COL11A1: variants seen among roughly 807,000 people sequenced by gnomAD.
The protein encoded by COL11A1 is collagen alpha-1(XI) chain.
Under a neutral mutation model 265.2 loss-of-function variants are expected in COL11A1, and 74 were observed. The observed-to-expected ratio is 0.28, with a 90% CI of 0.23 to 0.34. The LOEUF is 0.34. Ranked by LOEUF, COL11A1 falls within the 10% of genes least tolerant of loss-of-function variation. The pLI is 1.00. For missense variants in COL11A1, 2,165 were observed against 2,263.6 expected (o/e 0.96, Z 0.88); for synonymous variants, 816 against 727.6 (o/e 1.12, Z -1.96).
chr1:102,916,833 AT>A (rs67248624), intron 49 of COL11A1, among the ~76,000 whole-genome samples: 13,885 of 151,838 alleles, frequency 0.091, 726 homozygotes, highest in Middle Eastern at 0.12. Context: ...ACAAAAAAAA[AT>A]TGCATTTATA....
chr1:103,103,835 C>G (rs1439051486), intron 1 of COL11A1, among the ~76,000 whole-genome samples: 3 of 151,990 alleles, frequency 2.0e-5, no homozygotes, highest in African/African-American at 7.2e-5. Context: ...AAGGTACTTA[C>G]ATTAGTTTCA....
At chr1:103,082,311 G>A (rs545471767) in intron 2 of COL11A1, among the ~76,000 whole-genome samples, 1 of 151,996 alleles carries the variant, frequency 6.6e-6, no homozygotes, top group African/African-American at 2.4e-5. Context: ...CAAAGAAAAA[G>A]TATCTCTTTC....
At chr1:103,090,435 C>T (rs1673229305) in intron 1 of COL11A1, among the ~76,000 whole-genome samples, 1 of 152,118 alleles carries the variant, frequency 6.6e-6, no homozygotes, top group Non-Finnish European at 1.5e-5. Context: ...AATTTTCCTA[C>T]TACTAATATT....
chr1:102,879,594 C>A, intron 66 of COL11A1, 89 bp downstream of exon 66: 1 of 1,137,754 alleles, frequency 8.8e-7, no homozygotes. Context: ...ACGTCCATTT[C>A]ATGAGAAAAA....
At chr1:103,021,848 TTC>T in intron 8 of COL11A1, 79 bp from the exon 9 acceptor site, 3 of 1,107,882 alleles carry the variant, frequency 2.7e-6, no homozygotes, top group South Asian at 1.3e-5. Flanking sequence ...CTTTTTTTTT[TTC>T]TTTCTTTCTT....
Position 102,962,767 on chromosome 1 carries a change from T to A in COL11A1, c.2917-7A>T. 6.2e-7 allele frequency: 1 copy of A among 1,613,226 alleles called. No individual in the cohort carries two copies. The highest frequency in any genetic ancestry group is 8.5e-7 in the Non-Finnish European group (1 of 1,179,266). The stretch of plus-strand genomic sequence containing the variant: ...CAGTCTCACCGGTTGGTCCCTAAAT[T>A]AGATAAGCAAAATCACTTTAGATTG... On this transcript the variant is annotated splice_region_variant and splice_polypyrimidine_tract_variant and intron_variant, in intron 38 of 66. Coordinates refer to ENST00000370096, the MANE Select transcript of COL11A1 (RefSeq NM_001854.4).
chr1:103,075,526 A>T (rs999759696), intron 3 of COL11A1, among the ~76,000 whole-genome samples: 4 of 152,128 alleles, frequency 2.6e-5, no homozygotes, highest in Admixed American at 2.6e-4. Context: ...AATTTAGAGC[A>T]GTGATGACAG....
chr1:103,047,081 T>C (rs924026496), intron 4 of COL11A1, among the ~76,000 whole-genome samples: 22 of 152,130 alleles, frequency 1.4e-4, no homozygotes, highest in African/African-American at 5.1e-4. Flanking sequence ...ATTGACTTGG[T>C]GATGCGGGCT....
intron 46 of COL11A1, among the ~76,000 whole-genome samples, chr1:102,923,848 C>A (rs928820468): frequency 6.6e-6 from 1 of 151,992 alleles, no homozygotes; most frequent in Admixed American, 6.6e-5. Flanking sequence ...GAATTTTTGA[C>A]CTGTTAATTC....
intron 1 of COL11A1, among the ~76,000 whole-genome samples, chr1:103,106,800 C>T (rs1674726531): frequency 6.6e-6 from 1 of 152,124 alleles, no homozygotes; most frequent in African/African-American, 2.4e-5. Context: ...GAAGGAATAA[C>T]CTGGTCTCAG....
At chr1:103,106,731 C>T (rs1362585241) in intron 1 of COL11A1, among the ~76,000 whole-genome samples, 6 of 151,924 alleles carry the variant, frequency 3.9e-5, no homozygotes, top group Admixed American at 3.3e-4. Context: ...GAAAAGTCAC[C>T]CAAGGGAATA....
chr1:103,004,676 C>A lies in COL11A1; in HGVS notation c.1846-15G>T, dbSNP rs2101844092. On this transcript the variant is annotated splice_polypyrimidine_tract_variant and intron_variant, in intron 18 of 66. Transcript: ENST00000370096. ...CCTCGTTCACCCTGTTAAATCAATA[C>A]AAATAAGATTAGCATATGGAAAGAA... is the stretch of plus-strand genomic sequence containing the variant. The A allele has an allele frequency of 1.2e-6, 2 of 1,603,352 alleles. No homozygotes were observed. The highest frequency in any genetic ancestry group is 2.2e-5 in the South Asian group (2 of 90,408).
chr1:103,060,312 G>A (rs1222263044), intron 4 of COL11A1, among the ~76,000 whole-genome samples: 1 of 152,042 alleles, frequency 6.6e-6, no homozygotes. Context: ...AAAAATTGAG[G>A]AATTTGCTGC....
In COL11A1 at chr1:103,032,148, T is replaced by C. The variant is rs575012537; in HGVS notation, c.652-904A>G. Reference sequence around the variant, plus strand: ...AGGCCTAGAGTAATATCTGGGCTGATAGCCATTTAACTTGAGCATTCAATT... The same window carrying C: ...AGGCCTAGAGTAATATCTGGGCTGACAGCCATTTAACTTGAGCATTCAATT... On this transcript the variant is annotated intron_variant, in intron 4 of 66. Coordinates refer to ENST00000370096, the MANE Select transcript of COL11A1 (RefSeq NM_001854.4). Among the ~76,000 whole-genome samples the C allele has an allele frequency of 1.8e-3, 269 of 152,232 alleles. 1 individual carries two copies. Among genetic ancestry groups the C allele is most frequent in the South Asian group, 1.9e-3 (9 of 4,828 alleles).
chr1:102,957,699 T>C (rs1455294867), intron 41 of COL11A1, among the ~76,000 whole-genome samples: 1 of 152,068 alleles, frequency 6.6e-6, no homozygotes, highest in Non-Finnish European at 1.5e-5. Context: ...TTTGACAAAA[T>C]TGTTCACAGA....
At chr1:103,050,451 T>A (rs1032067730) in intron 4 of COL11A1, among the ~76,000 whole-genome samples, 2 of 152,214 alleles carry the variant, frequency 1.3e-5, no homozygotes, top group Non-Finnish European at 2.9e-5. Flanking sequence ...TTCAGTTCCA[T>A]CAGGTCCTTT....
chr1:102,935,031 A>G lies in COL11A1; in HGVS notation c.3492+29T>C, dbSNP rs753159128. 3.1e-6 allele frequency: 5 copies of G among 1,609,850 alleles called. No homozygotes were observed. In the African/African-American group the frequency reaches 6.7e-5, roughly 22 times the overall value. ...TTTAATCAGGGAGCTGTAAGGATTT[A>G]GATTTGCTGAACAATGTGGAATACT... On this transcript the variant is annotated intron_variant, in intron 45 of 66. Transcript: ENST00000370096.
At chr1:103,029,948 C>T (rs1667840999) in intron 5 of COL11A1, among the ~76,000 whole-genome samples, 1 of 152,010 alleles carries the variant, frequency 6.6e-6, no homozygotes. Flanking sequence ...TATGCCTTAT[C>T]TTTCTTTATA....
At chr1:102,998,890 T>G (rs1318933533) in intron 24 of COL11A1, among the ~76,000 whole-genome samples, 1 of 151,910 alleles carries the variant, frequency 6.6e-6, no homozygotes, top group Non-Finnish European at 1.5e-5. Context: ...CATATCCTAA[T>G]AGGTACCCAA....
Sources: gnomAD v4.1 joint callset for allele counts (sites outside exome capture counted in the v4.1 genomes callset) on GRCh38, gnomAD v4.1.1 for gene constraint, MANE v1.5 for transcripts, NCBI Gene and HGNC (gene_info 2026-07-23, HGNC 2026-07-21) for gene names.